The following CYP7B1 variants were observed in gnomAD, a reference collection of about 807,000 sequenced individuals.
CYP7B1 encodes cytochrome P450 7B1.
Under a neutral mutation model 42.7 loss-of-function variants are expected in CYP7B1, and 29 were observed. The observed-to-expected ratio is 0.68, with a 90% CI of 0.51 to 0.93. The LOEUF (loss-of-function observed/expected upper bound fraction) is 0.93. Among genes scored for constraint, CYP7B1 ranks in the 40% least tolerant of loss-of-function variants. The pLI is 0.00. For synonymous variants in CYP7B1, 235 were observed against 218.2 expected, an observed-to-expected ratio of 1.08 and a Z score of -0.68; for missense variants, 655 against 600.5, an observed-to-expected ratio of 1.09 and a Z score of -0.95.
intron 4 of CYP7B1, among the ~76,000 whole-genome samples, chr8:64,609,169 A>C (rs1285089951): frequency 6.6e-6 from 1 of 152,230 alleles, no homozygotes; most frequent in African/African-American, 2.4e-5. Flanking sequence ...ATTGACAAAT[A>C]AAAATTGGAT....
At chr8:64,601,482 C>A (rs1805201837) in intron 5 of CYP7B1, among the ~76,000 whole-genome samples, 1 of 152,158 alleles carries the variant, frequency 6.6e-6, no homozygotes, top group Non-Finnish European at 1.5e-5. Context: ...CTCTATGGAG[C>A]TTCTCTATAG....
intron 1 of CYP7B1, among the ~76,000 whole-genome samples, chr8:64,797,824 T>C (rs527497014): frequency 1.3e-5 from 2 of 152,332 alleles, no homozygotes; most frequent in Non-Finnish European, 2.9e-5. Context: ...TCTGAACTTC[T>C]CTATTTCTAC....
At chr8:64,728,491 C>T (rs186271876) in intron 1 of CYP7B1, among the ~76,000 whole-genome samples, 15 of 152,274 alleles carry the variant, frequency 9.9e-5, no homozygotes, top group Admixed American at 8.5e-4. Flanking sequence ...GTGAAAAACT[C>T]TTAAGGTGTC....
chr8:64,793,968 A>AG, intron 1 of CYP7B1, among the ~76,000 whole-genome samples: 1 of 152,036 alleles, frequency 6.6e-6, no homozygotes. Context: ...CGAAACAAAA[A>AG]AAAAAACAAT....
At chr8:64,641,825 C>A (rs1805860363) in intron 1 of CYP7B1, among the ~76,000 whole-genome samples, 1 of 152,106 alleles carries the variant, frequency 6.6e-6, no homozygotes, top group Non-Finnish European at 1.5e-5. Context: ...CCACTATGTT[C>A]TCTTCCTACT....
At chr8:64,662,765 A>C (rs767350111) in intron 1 of CYP7B1, among the ~76,000 whole-genome samples, 6 of 151,736 alleles carry the variant, frequency 4.0e-5, no homozygotes, top group Non-Finnish European at 8.8e-5. Context: ...TGTGCTTTTC[A>C]CTATGGTAGA....
intron 1 of CYP7B1, among the ~76,000 whole-genome samples, chr8:64,752,683 T>C (rs983622192): frequency 2.6e-5 from 4 of 152,206 alleles, no homozygotes; most frequent in African/African-American, 4.8e-5. Flanking sequence ...AAATCTTATG[T>C]CCTTTTCTAC....
At chr8:64,742,095 T>C (rs1807578431) in intron 1 of CYP7B1, among the ~76,000 whole-genome samples, 1 of 152,114 alleles carries the variant, frequency 6.6e-6, no homozygotes, top group Non-Finnish European at 1.5e-5. Flanking sequence ...AAATAGAAAA[T>C]TATGTATCTG....
intron 1 of CYP7B1, among the ~76,000 whole-genome samples, chr8:64,644,440 C>G (rs1024271753): frequency 6.6e-6 from 1 of 152,084 alleles, no homozygotes; most frequent in Non-Finnish European, 1.5e-5. Context: ...GCATCACTAT[C>G]TATGGCAGCC....
intron 1 of CYP7B1, among the ~76,000 whole-genome samples, chr8:64,629,860 A>G (rs1389583162): frequency 6.6e-6 from 1 of 152,214 alleles, no homozygotes; most frequent in African/African-American, 2.4e-5. Flanking sequence ...GTATCTCAAT[A>G]CAAGGCTGTG....
intron 1 of CYP7B1, among the ~76,000 whole-genome samples, chr8:64,699,680 C>G (rs1424763684): frequency 6.6e-6 from 1 of 152,024 alleles, no homozygotes; most frequent in Non-Finnish European, 1.5e-5. Flanking sequence ...AGTGTGACAA[C>G]TGCAAAGCAC....
At chr8:64,682,264 C>T (rs1463231433) in intron 1 of CYP7B1, among the ~76,000 whole-genome samples, 1 of 152,054 alleles carries the variant, frequency 6.6e-6, no homozygotes, top group East Asian at 1.9e-4. Context: ...TTGTGAAAGA[C>T]GAAGCTGGAA....
At chr8:64,793,459 G>T (rs1426200391) in intron 1 of CYP7B1, among the ~76,000 whole-genome samples, 1 of 152,038 alleles carries the variant, frequency 6.6e-6, no homozygotes, top group Non-Finnish European at 1.5e-5. Flanking sequence ...TTGCAATGTA[G>T]ATTATTTTTA....
chr8:64,681,618 T>G (rs1806539674), intron 1 of CYP7B1, among the ~76,000 whole-genome samples: 1 of 152,158 alleles, frequency 6.6e-6, no homozygotes, highest in Non-Finnish European at 1.5e-5. Flanking sequence ...AGAAGAGCCC[T>G]GTAAAAAGGC....
At chr8:64,724,687 A>G (rs1253870237) in intron 1 of CYP7B1, among the ~76,000 whole-genome samples, 1 of 152,124 alleles carries the variant, frequency 6.6e-6, no homozygotes, top group Non-Finnish European at 1.5e-5. Flanking sequence ...TCTGAAAATG[A>G]TACTCCAAAG....
At chr8:64,730,880 G>A (rs2129633070) in intron 1 of CYP7B1, among the ~76,000 whole-genome samples, 1 of 152,182 alleles carries the variant, frequency 6.6e-6, no homozygotes. Flanking sequence ...CTTGTGGGAG[G>A]TGATTAGATC....
chr8:64,727,613 G>T (rs1807342958), intron 1 of CYP7B1, among the ~76,000 whole-genome samples: 1 of 152,144 alleles, frequency 6.6e-6, no homozygotes, highest in Non-Finnish European at 1.5e-5. Context: ...GGACTATAGG[G>T]AACAGTTGAC....
intron 1 of CYP7B1, among the ~76,000 whole-genome samples, chr8:64,658,313 T>C (rs1217145604): frequency 1.3e-5 from 2 of 152,164 alleles, no homozygotes; most frequent in Non-Finnish European, 2.9e-5. Flanking sequence ...GCTATACTTA[T>C]ACAGGGAAAT....
At chr8:64,703,860 G>T (rs1806954009) in intron 1 of CYP7B1, 1 of 151,984 alleles carries the variant, frequency 6.6e-6, no homozygotes, top group Non-Finnish European at 1.5e-5. Context: ...ACTATAGAAG[G>T]ACTTCATCTT....
Sources: allele counts gnomAD v4.1 joint callset (sites outside exome capture counted in the v4.1 genomes callset), GRCh38; gene constraint gnomAD v4.1.1; transcripts MANE v1.5; gene names NCBI Gene and HGNC (gene_info 2026-07-23, HGNC 2026-07-21).